The following TRAF2 variants were observed in gnomAD, a reference collection of about 807,000 sequenced individuals.
The protein encoded by TRAF2 is TNF receptor associated factor 2.
Under a neutral mutation model 55.6 loss-of-function variants are expected in TRAF2, and 6 were observed. The ratio of observed to expected loss-of-function variants is 0.11; its 90% CI spans 0.06 to 0.21. The LOEUF (loss-of-function observed/expected upper bound fraction) is 0.21, where lower values mean the gene tolerates loss of function less well. TRAF2 is among the 10% of genes least tolerant of loss of function. The probability of loss-of-function intolerance (pLI) is 1.00; values close to 1 mark genes in which losing one functional copy is unlikely to be tolerated. For missense variants in TRAF2, 561 were observed against 684.5 expected (o/e 0.82, Z 2.01); for synonymous variants, 329 against 276.3 (o/e 1.19, Z -1.89).
At chr9:136,883,481 T>C (rs1048968040), upstream of TRAF2, among the ~76,000 whole-genome samples, 3 of 152,180 alleles carry the variant, frequency 2.0e-5, no homozygotes, top group South Asian at 6.2e-4. Flanking sequence ...ACTTTCCCGT[T>C]ACCCTGAAGG....
intron 10 of TRAF2, among the ~76,000 whole-genome samples, chr9:136,924,246 T>C (rs989514501): frequency 1.1e-4 from 17 of 152,204 alleles, no homozygotes; most frequent in Non-Finnish European, 1.2e-4. Context: ...GTCAGATAAA[T>C]ATAAATATGA....
At chr9:136,896,221 A>G (rs992924823) in intron 1 of TRAF2, among the ~76,000 whole-genome samples, 2 of 152,164 alleles carry the variant, frequency 1.3e-5, no homozygotes, top group African/African-American at 4.8e-5. Flanking sequence ...GGGACTGGGG[A>G]CAGAGCATAC....
intron 4 of TRAF2, among the ~76,000 whole-genome samples, chr9:136,907,363 C>G (rs989658520): frequency 3.9e-5 from 6 of 152,250 alleles, no homozygotes; most frequent in Non-Finnish European, 8.8e-5. Context: ...GGGCCTCTGC[C>G]CAGCTCCTGG....
chr9:136,892,597 C>T (rs910448890), intron 1 of TRAF2, among the ~76,000 whole-genome samples: 2 of 151,914 alleles, frequency 1.3e-5, no homozygotes, highest in African/African-American at 2.4e-5. Flanking sequence ...GTTAGTGGCT[C>T]AGCCAGGCAC....
At chr9:136,886,905 C>T (rs1004733292) in intron 1 of TRAF2, 16 of 152,530 alleles carry the variant, frequency 1.0e-4, no homozygotes, top group African/African-American at 3.6e-4. Flanking sequence ...CGTCGCTCCC[C>T]CGCACCCTGT....
At chr9:136,909,888 C>T (rs781177027) in intron 5 of TRAF2, 32 bp from the exon 6 acceptor site, 2 of 1,612,970 alleles carry the variant, frequency 1.2e-6, no homozygotes, top group Non-Finnish European at 1.7e-6. Context: ...CATTGGCGTC[C>T]ACCCTCACAC....
chr9:136,900,363 C>A, intron 3 of TRAF2, 59 bp from the exon 4 acceptor site: 1 of 1,299,254 alleles, frequency 7.7e-7, no homozygotes, highest in Non-Finnish European at 1.1e-6. Context: ...GTCTGTGTTC[C>A]TTGGTTGCTG....
At chr9:136,883,104 A>G (rs1160091693), upstream of TRAF2, among the ~76,000 whole-genome samples, 1 of 152,102 alleles carries the variant, frequency 6.6e-6, no homozygotes, top group African/African-American at 2.4e-5. Context: ...TCCTGATCTC[A>G]GGTGATCTGC....
chr9:136,924,252 T>C (rs1489246640), intron 10 of TRAF2, among the ~76,000 whole-genome samples: 1 of 152,012 alleles, frequency 6.6e-6, no homozygotes, highest in Non-Finnish European at 1.5e-5. Flanking sequence ...TAAATATAAA[T>C]ATGACTAAGA....
chr9:136,897,364 GCTTA>G (rs1849703142), intron 1 of TRAF2, among the ~76,000 whole-genome samples: 1 of 152,242 alleles, frequency 6.6e-6, no homozygotes, highest in Admixed American at 6.5e-5. Flanking sequence ...CCTTGGTGGG[GCTTA>G]CTGAGTTCTA....
chr9:136,926,136 G>C lies in TRAF2; in HGVS notation c.*235G>C. The C allele has an allele frequency of 1.4e-6, 1 of 716,924 alleles. No individual in the cohort carries two copies. Among genetic ancestry groups the C allele is most frequent in the African/African-American group, 1.7e-5 (1 of 58,278 alleles). The allele number at this position is 716,924 out of a possible 1,614,324, so 44.4% of individuals were successfully genotyped here. On this transcript the variant is annotated 3_prime_UTR_variant, in exon 11 of 11. Transcript: ENST00000247668. ...GCAGACGGTCTTAGCCAAGGGCTGT[G>C]GTGGCATTGGCCGAGGGTCTTCGGG... is the stretch of plus-strand genomic sequence containing the variant.
intron 1 of TRAF2, among the ~76,000 whole-genome samples, chr9:136,887,359 T>C (rs889011463): frequency 2.0e-5 from 3 of 152,106 alleles, no homozygotes; most frequent in Non-Finnish European, 4.4e-5. Context: ...ACAGCGCCCA[T>C]GGCCTCTCGG....
intron 5 of TRAF2, 69 bp downstream of exon 5, chr9:136,908,300 G>A (rs980970200): frequency 1.5e-5 from 22 of 1,450,800 alleles, no homozygotes; most frequent in Non-Finnish European, 2.0e-5. Context: ...GCTGCGTGCT[G>A]GCCACTGCGG....
At chr9:136,886,454 G>A, upstream of TRAF2, 1 of 1,005,924 alleles carries the variant, frequency 9.9e-7, no homozygotes. Context: ...CGTCCGTCAG[G>A]CGCACGCGGC....
intron 1 of TRAF2, among the ~76,000 whole-genome samples, chr9:136,892,299 T>C (rs1849596433): frequency 6.6e-6 from 1 of 151,260 alleles, no homozygotes; most frequent in Admixed American, 6.6e-5. Context: ...CCGTCTCTAC[T>C]AAAAAATACA....
At chr9:136,914,589 G>A (rs1233372919) in intron 6 of TRAF2, among the ~76,000 whole-genome samples, 2 of 152,166 alleles carry the variant, frequency 1.3e-5, no homozygotes, top group East Asian at 1.9e-4. Context: ...GGGTTCACAC[G>A]GATGTTTGCA....
intron 5 of TRAF2, among the ~76,000 whole-genome samples, chr9:136,908,871 G>GAAAA (rs11418746): frequency 2.4e-5 from 2 of 84,458 alleles, no homozygotes; most frequent in African/African-American, 5.0e-5. Context: ...TTCCGTCTCG[G>GAAAA]AAAAAAAAAA....
intron 10 of TRAF2, 110 bp downstream of exon 10, chr9:136,924,110 AC>A: frequency 2.2e-6 from 3 of 1,364,712 alleles, no homozygotes; most frequent in Non-Finnish European, 2.0e-6. Context: ...GGCTCGCTGG[AC>A]CAGGTGTCTG....
Position 136,926,383 on chromosome 9 carries a change from C to A in TRAF2, c.*482C>A. 1.3e-5 allele frequency: 4 copies of A among 306,608 alleles called. No homozygotes were observed. Among genetic ancestry groups the A allele is most frequent in the South Asian group, 1.0e-4 (4 of 39,638 alleles). The allele number at this position is 306,608 out of a possible 1,614,324, so 19.0% of individuals were successfully genotyped here. A position where few individuals can be genotyped will look rare whatever the true frequency, so the allele number is the denominator to read the frequency against. On this transcript the variant is annotated 3_prime_UTR_variant, in exon 11 of 11. Transcript: ENST00000247668. ...GAAGGCTGAGCAGCTTGGTTCTCCC[C>A]TCTGGCCCCTGGAGAGAAGGGAGCA...
Sources: gnomAD v4.1 joint callset for allele counts (sites outside exome capture counted in the v4.1 genomes callset) on GRCh38, gnomAD v4.1.1 for gene constraint, MANE v1.5 for transcripts, NCBI Gene and HGNC (gene_info 2026-07-23, HGNC 2026-07-21) for gene names.